CPED1: variants seen among roughly 807,000 people sequenced by gnomAD.
CPED1 encodes cadherin like and PC-esterase domain containing 1.
Under a neutral mutation model 128.2 loss-of-function variants are expected in CPED1, and 114 were observed. The observed-to-expected ratio is 0.89, with a 90% CI of 0.76 to 1.04. The LOEUF is 1.04. Ranked by LOEUF, CPED1 falls within the 50% of genes least tolerant of loss-of-function variation. The probability of loss-of-function intolerance (pLI) is 0.00; values close to 1 mark genes in which losing one functional copy is unlikely to be tolerated. For missense variants in CPED1, 1,211 were observed against 1,207.1 expected, an observed-to-expected ratio of 1.00 and a Z score of -0.05; for synonymous variants, 462 against 426.7, an observed-to-expected ratio of 1.08 and a Z score of -1.02.
intron 5 of CPED1, among the ~76,000 whole-genome samples, chr7:121,080,781 T>C (rs1285788634): frequency 2.0e-5 from 3 of 151,918 alleles, no homozygotes; most frequent in Non-Finnish European, 4.4e-5. Flanking sequence ...AGTTTGGTGT[T>C]GGGGGATATA....
chr7:121,209,361 C>T (rs1475541206), intron 16 of CPED1, among the ~76,000 whole-genome samples: 2 of 151,986 alleles, frequency 1.3e-5, no homozygotes, highest in Non-Finnish European at 2.9e-5. Context: ...ACTGTCTCCT[C>T]AGGAAATTAA....
At chr7:121,039,364 C>A (rs1792986415) in intron 3 of CPED1, among the ~76,000 whole-genome samples, 1 of 152,072 alleles carries the variant, frequency 6.6e-6, no homozygotes, top group South Asian at 2.1e-4. Context: ...TTTTTGAGCA[C>A]TTCTTACTTT....
chr7:121,022,159 A>T lies in CPED1; in HGVS notation c.433+6311A>T, dbSNP rs538565036. Among the ~76,000 whole-genome samples the T allele has an allele frequency of 5.9e-5, 9 of 152,146 alleles. No individual in the cohort carries two copies. The South Asian group carries it at 1.2e-3, about 21-fold the overall frequency. ...AGGGGCATATGATAAATATTTATTA[A>T]ATACATGAACAAAGGAAGATAAAAT... is the stretch of plus-strand genomic sequence containing the variant. On this transcript the variant is annotated intron_variant, in intron 3 of 22. Coordinates refer to ENST00000310396, the MANE Select transcript of CPED1 (RefSeq NM_024913.5).
intron 16 of CPED1, among the ~76,000 whole-genome samples, chr7:121,208,426 G>T (rs180865117): frequency 1.5e-4 from 23 of 152,042 alleles, no homozygotes; most frequent in African/African-American, 5.5e-4. Flanking sequence ...TCCAATCATG[G>T]TCACATTTAT....
At chr7:121,221,063 C>G (rs1797864010) in intron 16 of CPED1, among the ~76,000 whole-genome samples, 1 of 151,978 alleles carries the variant, frequency 6.6e-6, no homozygotes, top group Non-Finnish European at 1.5e-5. Flanking sequence ...GTTTGCTGCA[C>G]CCATCAACTC....
At chr7:120,989,302 C>A in intron 1 of CPED1, 89 bp from the exon 2 acceptor site, 5 of 322,910 alleles carry the variant, frequency 1.5e-5, no homozygotes, top group Non-Finnish European at 2.4e-5. Flanking sequence ...GAGAATAAGG[C>A]ATTGCTGGAA....
intron 16 of CPED1, among the ~76,000 whole-genome samples, chr7:121,180,560 T>G (rs1422995939): frequency 6.6e-6 from 1 of 152,038 alleles, no homozygotes; most frequent in Non-Finnish European, 1.5e-5. Flanking sequence ...TACACTCTTG[T>G]CTCCAGGGTT....
intron 3 of CPED1, among the ~76,000 whole-genome samples, chr7:121,016,782 G>T (rs1190582330): frequency 6.6e-6 from 1 of 152,152 alleles, no homozygotes; most frequent in Non-Finnish European, 1.5e-5. Flanking sequence ...AAGCAAATCA[G>T]ATTTTTCTCT....
chr7:121,253,012 C>A (rs1246534806), intron 18 of CPED1, among the ~76,000 whole-genome samples: 1 of 152,136 alleles, frequency 6.6e-6, no homozygotes, highest in South Asian at 2.1e-4. Context: ...CACATGCACA[C>A]GTATGTTTAT....
chr7:121,099,941 C>T lies in CPED1; in HGVS notation c.765C>T (p.Val255=). The T allele has an allele frequency of 6.2e-7, 1 of 1,611,726 alleles. No individual in the cohort carries two copies. The change falls in exon 7 of 23, where the codon GTC becomes GTT. Residue 255 remains valine (V), a synonymous_variant. Transcript: ENST00000310396. The stretch of plus-strand genomic sequence containing the variant: ...TTTTTTTTAGGAATGAAACGACAGT[C>T]CTTGCTCCACATGAAACAATCTTTC... ...WSREQLNETT[V]LAPHETIFRA...
At chr7:120,994,679 T>C (rs1037492073) in intron 2 of CPED1, among the ~76,000 whole-genome samples, 1 of 149,066 alleles carries the variant, frequency 6.7e-6, no homozygotes, top group African/African-American at 2.5e-5. Flanking sequence ...TTGTTACTGA[T>C]GGAAGCAGGA....
chr7:121,270,017 G>A (rs1032250156), intron 21 of CPED1, among the ~76,000 whole-genome samples: 2 of 151,842 alleles, frequency 1.3e-5, no homozygotes, highest in African/African-American at 2.4e-5. Context: ...AGAGAGAGGC[G>A]GGAGGTGCCA....
intron 5 of CPED1, among the ~76,000 whole-genome samples, chr7:121,076,121 C>T (rs1584494114): frequency 6.6e-6 from 1 of 152,080 alleles, no homozygotes; most frequent in African/African-American, 2.4e-5. Flanking sequence ...ACATGCTAAC[C>T]ATGGGGGCCA....
intron 5 of CPED1, among the ~76,000 whole-genome samples, chr7:121,084,234 T>C (rs940046910): frequency 6.6e-6 from 1 of 152,224 alleles, no homozygotes; most frequent in East Asian, 1.9e-4. Context: ...AAAATAGATA[T>C]ATATTCATTG....
intron 16 of CPED1, among the ~76,000 whole-genome samples, chr7:121,196,154 G>A (rs1414228426): frequency 6.6e-6 from 1 of 152,066 alleles, no homozygotes; most frequent in East Asian, 1.9e-4. Flanking sequence ...TGGAGAGCAG[G>A]AAGGAATTTT....
chr7:121,140,841 T>A lies in CPED1; in HGVS notation c.1714T>A (p.Cys572Ser). ...IHCSDDENTPCHIKQIFTHPH... is the reference protein window; with the variant it reads ...IHCSDDENTPSHIKQIFTHPH... Reference sequence around the variant, plus strand: ...TTTTTTAACAGATGAAAACACACCATGTCATATCAAGCAGATCTTCACACA... The same window carrying A: ...TTTTTTAACAGATGAAAACACACCAAGTCATATCAAGCAGATCTTCACACA... Residue 572 changes from cysteine (C) to serine (S), a missense_variant, in exon 15 of 23, where the codon TGT becomes AGT. By Grantham distance (112) the Cys-to-Ser change is moderately radical (BLOSUM62 -1). Transcript: ENST00000310396. The A allele has an allele frequency of 6.2e-7, 1 of 1,611,450 alleles. No individual in the cohort carries two copies. Among genetic ancestry groups the A allele is most frequent in the East Asian group, 2.2e-5 (1 of 44,816 alleles).
At chr7:121,132,611 A>G (rs1456922451) in intron 12 of CPED1, among the ~76,000 whole-genome samples, 1 of 152,044 alleles carries the variant, frequency 6.6e-6, no homozygotes, top group Non-Finnish European at 1.5e-5. Context: ...CTTAAAATCA[A>G]TGTGGTGCAC....
chr7:121,127,566 C>T (rs374661112), intron 10 of CPED1, among the ~76,000 whole-genome samples: 3 of 142,354 alleles, frequency 2.1e-5, no homozygotes, highest in Admixed American at 7.2e-5. Context: ...GACAGAGTCT[C>T]GCTCTGTCAC....
chr7:121,164,114 T>G (rs1035489014), intron 16 of CPED1, among the ~76,000 whole-genome samples: 1 of 152,236 alleles, frequency 6.6e-6, no homozygotes, highest in Non-Finnish European at 1.5e-5. Context: ...AAATCTGATT[T>G]GAAGGCCCTA....
Sources: gnomAD v4.1 joint callset for allele counts (sites outside exome capture counted in the v4.1 genomes callset) on GRCh38, gnomAD v4.1.1 for gene constraint, MANE v1.5 for transcripts, NCBI Gene and HGNC (gene_info 2026-07-23, HGNC 2026-07-21) for gene names.